The following KIAA1210 variants were observed in gnomAD, a reference collection of about 807,000 sequenced individuals.
KIAA1210 encodes the protein KIAA1210.
In KIAA1210, 48 loss-of-function variants were observed where a neutral mutation model predicts 78.9. That is an observed-to-expected ratio of 0.61 (90% CI 0.48 to 0.77). The LOEUF is 0.77. KIAA1210 is among the 30% of genes least tolerant of loss of function. The pLI, the probability that KIAA1210 is intolerant of heterozygous loss-of-function variation, is 0.00. For missense variants in KIAA1210, 1,108 were observed against 1,100.0 expected (o/e 1.01, Z -0.10); for synonymous variants, 406 against 404.5 (o/e 1.00, Z -0.04).
At position 119,080,732 on chromosome X, in the gene KIAA1210, G is replaced by A. The variant is rs1013326704; in HGVS notation, c.*597C>T. ...AATGTTTTCGATAGTTTTAATAGAGGAAATGCTGGGTTTCTGGGTGCTGGC... is the reference window on the plus strand; with the variant it reads ...AATGTTTTCGATAGTTTTAATAGAGAAAATGCTGGGTTTCTGGGTGCTGGC... On this transcript the variant is annotated 3_prime_UTR_variant, in exon 12 of 12. Transcript: ENST00000691062. 1 of 112,324 alleles carries A rather than the reference G, an allele frequency of 8.9e-6. No homozygotes were observed. The highest frequency in any genetic ancestry group is 1.9e-5 in the Non-Finnish European group (1 of 53,313). 9.3% of individuals were successfully genotyped at this position (112,324 alleles called of 1,213,427 possible).
intron 9 of KIAA1210, 24 bp from the exon 10 acceptor site, chrX:119,085,570 A>G: frequency 8.4e-7 from 1 of 1,191,322 alleles, no homozygotes; most frequent in Non-Finnish European, 1.1e-6. Context: ...GAAAGGAGTT[A>G]GAACTGAAGC....
intron 2 of KIAA1210, among the ~76,000 whole-genome samples, chrX:119,135,050 T>A (rs1439339152): frequency 8.9e-6 from 1 of 112,481 alleles, no homozygotes; most frequent in African/African-American, 3.2e-5. Flanking sequence ...TTTATTCTTT[T>A]CACACCCACT....
At chrX:119,137,539 ATG>A (rs1185934278) in intron 2 of KIAA1210, among the ~76,000 whole-genome samples, 1 of 112,728 alleles carries the variant, frequency 8.9e-6, no homozygotes, top group Non-Finnish European at 1.9e-5. Flanking sequence ...CAAAATTATC[ATG>A]TGTTAGGACA....
chrX:119,123,465 G>T, intron 2 of KIAA1210, 117 bp downstream of exon 2: 1 of 492,898 alleles, frequency 2.0e-6, no homozygotes, highest in South Asian at 4.5e-5. Flanking sequence ...AAGTAAACGT[G>T]ACTGAGTCTA....
At chrX:119,117,812 T>G (rs944594614) in intron 2 of KIAA1210, among the ~76,000 whole-genome samples, 2 of 110,370 alleles carry the variant, frequency 1.8e-5, no homozygotes, top group African/African-American at 6.6e-5. Flanking sequence ...AGAACTAGAG[T>G]TGAGTTCTAG....
chrX:119,147,377 A>C, intron 2 of KIAA1210: 2 of 1,017,891 alleles, frequency 2.0e-6, no homozygotes, highest in Non-Finnish European at 2.7e-6. Flanking sequence ...TCATCAGGGA[A>C]GTTTTGCAGC....
At chrX:119,143,952 C>T (rs1056212019) in intron 2 of KIAA1210, among the ~76,000 whole-genome samples, 1 of 112,482 alleles carries the variant, frequency 8.9e-6, no homozygotes, top group African/African-American at 3.2e-5. Flanking sequence ...GACTCCAAAG[C>T]CCCATGCACT....
intron 7 of KIAA1210, chrX:119,094,212 G>A: frequency 2.2e-6 from 1 of 451,607 alleles, no homozygotes; most frequent in Non-Finnish European, 3.9e-6. Flanking sequence ...CTTCTTTTCA[G>A]GGAATGTAAT....
In KIAA1210 at chrX:119,087,876, C is replaced by G; in HGVS notation, c.2826G>C (p.Leu942=). The change falls in exon 9 of 12, where the codon CTG becomes CTC. Residue 942 remains leucine (L), a synonymous_variant. Transcript: ENST00000691062. ...TVEEDISKEQ[L]LPRHLSQLTV... is the part of the protein sequence containing the mutation. ...TCAACTGGGAAAGATGTCTGGGAAG[C>G]AGCTGCTCCTTAGAAATGTCCTCTT... The G allele has an allele frequency of 8.3e-7, 1 of 1,211,720 alleles. No individual in the cohort carries two copies.
chrX:119,100,670 A>G (rs1927711378), intron 6 of KIAA1210, among the ~76,000 whole-genome samples: 1 of 111,494 alleles, frequency 9.0e-6, no homozygotes, highest in Admixed American at 9.5e-5. Flanking sequence ...TGTAACCATC[A>G]CCCAAATAAT....
intron 10 of KIAA1210, among the ~76,000 whole-genome samples, chrX:119,083,904 G>T (rs1396762209): frequency 9.6e-6 from 1 of 103,873 alleles, no homozygotes; most frequent in Non-Finnish European, 1.9e-5. Flanking sequence ...GGGGATGAAG[G>T]GGAAGGATCG....
At chrX:119,092,759 T>TTAAATAAATAAATAAATAAA (rs3049064) in intron 8 of KIAA1210, among the ~76,000 whole-genome samples, 4 of 85,325 alleles carry the variant, frequency 4.7e-5, no homozygotes, top group Non-Finnish European at 9.1e-5. Context: ...AGACTCCGTC[T>TTAAATAAATAAATAAATAAA]TAAATAAATA....
At chrX:119,123,347 C>G (rs762512187) in intron 2 of KIAA1210, among the ~76,000 whole-genome samples, 6 of 111,712 alleles carry the variant, frequency 5.4e-5, no homozygotes, top group Non-Finnish European at 1.1e-4. Flanking sequence ...GCAGAAAAAG[C>G]CTTAGTAAGT....
intron 2 of KIAA1210, among the ~76,000 whole-genome samples, chrX:119,138,160 G>A (rs1276251690): frequency 1.9e-5 from 2 of 106,466 alleles, no homozygotes; most frequent in Non-Finnish European, 3.9e-5. Context: ...GCAGGCTGAA[G>A]TCACCATGAA....
chrX:119,094,217 T>C, intron 7 of KIAA1210: 1 of 441,535 alleles, frequency 2.3e-6, no homozygotes, highest in East Asian at 3.7e-5. Flanking sequence ...TTTCAGGGAA[T>C]GTAATGAAAG....
chrX:119,098,019 T>TGTTCTGAACATCTTTCATA (rs1299936383), intron 6 of KIAA1210, among the ~76,000 whole-genome samples: 4 of 112,309 alleles, frequency 3.6e-5, no homozygotes, highest in Admixed American at 9.4e-5. Context: ...CTTCTTTTAT[T>TGTTCTGAACATCTTTCATA]GTTCTGAACA....
intron 6 of KIAA1210, 25 bp from the exon 7 acceptor site, chrX:119,096,716 C>CG (rs1569315143): frequency 7.2e-6 from 8 of 1,103,669 alleles, no homozygotes; most frequent in Non-Finnish European, 9.8e-6. Flanking sequence ...AGAAAATAGA[C>CG]GAGTCAACCC....
In KIAA1210 at chrX:119,120,828, A is replaced by G. The variant is rs767608490; in HGVS notation, c.61+2754T>C. ...GTGGTGGTGGTATAGCTTTGTTAGC[A>G]GGGAGCTGGGGAGACACGGAGAGAT... On this transcript the variant is annotated intron_variant, in intron 2 of 11. Transcript: ENST00000691062. 1.9e-3 allele frequency among the ~76,000 whole-genome samples: 212 copies of G among 111,975 alleles called. 3 individuals carry two copies. Among genetic ancestry groups the G allele is most frequent in the African/African-American group, 6.8e-3 (208 of 30,795 alleles).
At chrX:119,127,541 C>T (rs773993612) in intron 1 of KIAA1210, among the ~76,000 whole-genome samples, 186 bp downstream of exon 1, 1 of 110,958 alleles carries the variant, frequency 9.0e-6, no homozygotes, top group African/African-American at 3.3e-5. Flanking sequence ...TTTTAGCAGG[C>T]ACTCTGTTGA....
Sources: allele counts gnomAD v4.1 joint callset (sites outside exome capture counted in the v4.1 genomes callset), GRCh38; gene constraint gnomAD v4.1.1; transcripts MANE v1.5; gene names NCBI Gene and HGNC (gene_info 2026-07-23, HGNC 2026-07-21).